Variants in LRP1B observed in about 807,000 individuals in gnomAD.
The protein encoded by LRP1B is LDL receptor related protein 1B.
A neutral mutation model predicts 556.6 loss-of-function variants in LRP1B; 217 were observed. The observed-to-expected ratio is 0.39, with a 90% confidence interval of 0.35 to 0.44. The LOEUF (loss-of-function observed/expected upper bound fraction) is 0.44. LRP1B is among the 20% of genes least tolerant of loss of function. LRP1B has a pLI of 1.00. For missense variants in LRP1B, 5,053 were observed against 5,620.8 expected (o/e 0.90, Z 3.23); for synonymous variants, 2,047 against 1,865.8 (o/e 1.10, Z -2.50).
At chr2:141,183,533 G>A (rs1681103922) in intron 7 of LRP1B, among the ~76,000 whole-genome samples, 1 of 151,948 alleles carries the variant, frequency 6.6e-6, no homozygotes, top group African/African-American at 2.4e-5. Flanking sequence ...CCTGTCTCCT[G>A]GCAGATGGCC....
chr2:141,297,346 G>A (rs538500038), intron 3 of LRP1B, among the ~76,000 whole-genome samples: 1 of 152,318 alleles, frequency 6.6e-6, no homozygotes, highest in Admixed American at 6.5e-5. Flanking sequence ...GAATGCCTAT[G>A]CACTGTTGGT....
At chr2:142,017,479 A>G (rs1005303236) in intron 1 of LRP1B, among the ~76,000 whole-genome samples, 1 of 152,076 alleles carries the variant, frequency 6.6e-6, no homozygotes, top group Admixed American at 6.5e-5. Flanking sequence ...ATTCCTAGCT[A>G]TGTTTGTCTT....
intron 9 of LRP1B, among the ~76,000 whole-genome samples, chr2:141,055,802 ATGTGTGTGTGTG>A (rs10664722): frequency 2.8e-5 from 4 of 145,440 alleles, no homozygotes; most frequent in Non-Finnish European, 4.6e-5. Flanking sequence ...TTACCACAAA[ATGTGTGTGTGTG>A]TGTGTGTGTG....
chr2:141,241,597 C>T (rs1026049067), intron 5 of LRP1B, among the ~76,000 whole-genome samples: 11 of 152,040 alleles, frequency 7.2e-5, no homozygotes, highest in African/African-American at 1.9e-4. Context: ...CTTCTGACTC[C>T]TTTTATTGAT....
At position 142,030,957 on chromosome 2, in the gene LRP1B, G is replaced by A. The variant is rs777850849; in HGVS notation, c.82+99691C>T. ...ACCTATTTTTATCTCAGCTGATGTC[G>A]CAATTTTGTTCTTATAGACCTGTCA... is the stretch of plus-strand genomic sequence containing the variant. On this transcript the variant is annotated intron_variant, in intron 1 of 90. Transcript: ENST00000389484. 3.3e-5 allele frequency among the ~76,000 whole-genome samples: 5 copies of A among 151,854 alleles called. No individual in the cohort carries two copies. In the East Asian group the frequency reaches 5.8e-4, roughly 18 times the overall value.
chr2:140,757,498 C>G (rs1268923106), intron 35 of LRP1B, among the ~76,000 whole-genome samples: 1 of 152,154 alleles, frequency 6.6e-6, no homozygotes, highest in East Asian at 1.9e-4. Flanking sequence ...CAAAATAGAA[C>G]ATTATGCTAA....
At chr2:141,696,267 C>T (rs2105453825) in intron 2 of LRP1B, among the ~76,000 whole-genome samples, 1 of 151,968 alleles carries the variant, frequency 6.6e-6, no homozygotes, top group South Asian at 2.1e-4. Context: ...ACATAGGGTG[C>T]TTATTTTGAC....
intron 3 of LRP1B, among the ~76,000 whole-genome samples, chr2:141,450,637 C>T (rs1681385824): frequency 6.6e-6 from 1 of 151,024 alleles, no homozygotes; most frequent in Non-Finnish European, 1.5e-5. Flanking sequence ...TAATGTTTTC[C>T]ATGTATCACT....
intron 6 of LRP1B, among the ~76,000 whole-genome samples, chr2:141,207,489 T>A (rs1178461322): frequency 2.6e-5 from 4 of 152,188 alleles, no homozygotes; most frequent in Non-Finnish European, 4.4e-5. Flanking sequence ...ACAATGGAAT[T>A]CTATAAAGGT....
intron 65 of LRP1B, among the ~76,000 whole-genome samples, chr2:140,443,364 G>A (rs1243124306): frequency 1.3e-5 from 2 of 152,120 alleles, no homozygotes; most frequent in African/African-American, 4.8e-5. Context: ...CCCGGCCTGT[G>A]TTGAGTTTTT....
intron 7 of LRP1B, among the ~76,000 whole-genome samples, chr2:141,086,537 A>G (rs1700050056): frequency 6.6e-6 from 1 of 152,162 alleles, no homozygotes; most frequent in Non-Finnish European, 1.5e-5. Flanking sequence ...CAATACAATA[A>G]GCATATATTT....
intron 1 of LRP1B, among the ~76,000 whole-genome samples, chr2:142,086,504 C>A (rs1393016737): frequency 6.6e-6 from 1 of 151,936 alleles, no homozygotes; most frequent in African/African-American, 2.4e-5. Context: ...ACTGTGGAGG[C>A]TGAGGCAGGA....
At chr2:141,623,435 A>G (rs887665775) in intron 2 of LRP1B, among the ~76,000 whole-genome samples, 1 of 152,196 alleles carries the variant, frequency 6.6e-6, no homozygotes, top group Non-Finnish European at 1.5e-5. Context: ...GTGCTTTCTT[A>G]TGAAATAATT....
chr2:140,374,695 T>C (rs1044367175), intron 68 of LRP1B, among the ~76,000 whole-genome samples: 9 of 152,100 alleles, frequency 5.9e-5, no homozygotes, highest in African/African-American at 1.9e-4. Context: ...AAAACAAATG[T>C]AAATTAACAT....
chr2:141,748,354 G>A (rs902632513), intron 2 of LRP1B, among the ~76,000 whole-genome samples: 19 of 152,282 alleles, frequency 1.2e-4, no homozygotes, highest in African/African-American at 4.3e-4. Context: ...TTGTTGTTAA[G>A]TTGTATGGGA....
chr2:140,526,368 T>C lies in LRP1B; in HGVS notation c.7763-18A>G, dbSNP rs1690435542. 2.1e-6 allele frequency: 3 copies of C among 1,419,994 alleles called. No homozygotes were observed. Among genetic ancestry groups the C allele is most frequent in the African/African-American group, 1.4e-5 (1 of 70,942 alleles). The allele number at this position is 1,419,994 out of a possible 1,614,324, so 88.0% of individuals were successfully genotyped here. A position where few individuals can be genotyped will look rare whatever the true frequency, so the allele number is the denominator to read the frequency against. On this transcript the variant is annotated intron_variant, in intron 47 of 90. Coordinates refer to ENST00000389484, the MANE Select transcript of LRP1B (RefSeq NM_018557.3). The stretch of plus-strand genomic sequence containing the variant: ...GGTTGAAACTAGAAAAACAGGTACA[T>C]AAACAAATGCAAAGATGGGACAGAA...
chr2:140,700,568 G>T lies in LRP1B; in HGVS notation c.6481C>A (p.Arg2161=). ...NGGCKQLCLY[R]GNSRRTCACA... Reference sequence around the variant, plus strand: ...GCACAAGTTCTCCGGGAATTTCCTCGATAAAGACAGAGTTGCTTACAGCCA... The same window carrying T: ...GCACAAGTTCTCCGGGAATTTCCTCTATAAAGACAGAGTTGCTTACAGCCA... The change falls in exon 41 of 91, where the codon CGA becomes AGA. Residue 2161 remains arginine (R), a synonymous_variant. Coordinates refer to ENST00000389484, the MANE Select transcript of LRP1B (RefSeq NM_018557.3). 2 of 1,613,382 alleles carry T rather than the reference G, an allele frequency of 1.2e-6. No individual in the cohort carries two copies. Among genetic ancestry groups the T allele is most frequent in the Non-Finnish European group, 1.7e-6 (2 of 1,179,616 alleles).
chr2:140,624,775 T>C (rs1040140025), intron 41 of LRP1B, among the ~76,000 whole-genome samples: 1 of 152,152 alleles, frequency 6.6e-6, no homozygotes, highest in Non-Finnish European at 1.5e-5. Context: ...CAAACACATA[T>C]ATACTATGTT....
intron 3 of LRP1B, among the ~76,000 whole-genome samples, chr2:141,323,975 C>T (rs1687342323): frequency 7.0e-6 from 1 of 142,026 alleles, no homozygotes. Context: ...TACATGTACT[C>T]ACATACCTGA....
Sources: gnomAD v4.1 joint callset for allele counts (sites outside exome capture counted in the v4.1 genomes callset) on GRCh38, gnomAD v4.1.1 for gene constraint, MANE v1.5 for transcripts, NCBI Gene and HGNC (gene_info 2026-07-23, HGNC 2026-07-21) for gene names.